The following TNRC6B variants were observed in gnomAD, a reference collection of about 807,000 sequenced individuals.
TNRC6B encodes the protein trinucleotide repeat containing adaptor 6B.
Under a neutral mutation model 203.6 loss-of-function variants are expected in TNRC6B, and 52 were observed. The observed-to-expected ratio is 0.26, with a 90% CI of 0.20 to 0.32. TNRC6B has a LOEUF of 0.32. Among genes scored for constraint, TNRC6B ranks in the 10% least tolerant of loss-of-function variants. The pLI is 1.00. For synonymous variants in TNRC6B, 838 were observed against 845.7 expected (o/e 0.99, Z 0.16); for missense variants, 1,923 against 2,286.2 (o/e 0.84, Z 3.24).
intron 4 of TNRC6B, among the ~76,000 whole-genome samples, chr22:40,160,849 C>T (rs1003191555): frequency 2.6e-5 from 4 of 152,172 alleles, no homozygotes; most frequent in Admixed American, 2.6e-4. Flanking sequence ...GGATTACAGG[C>T]ATGCACTATC....
intron 3 of TNRC6B, among the ~76,000 whole-genome samples, chr22:40,260,477 G>T (rs192651099): frequency 5.9e-5 from 9 of 152,310 alleles, no homozygotes; most frequent in Admixed American, 4.6e-4. Flanking sequence ...AGAGAGATGG[G>T]ACTTGTAGAT....
chr22:40,323,193 T>A lies in TNRC6B; in HGVS notation c.5454T>A (p.Ala1818=). ...VEDPHRMGSP[A]PLLPGDLLGG... is the part of the protein sequence containing the mutation. The stretch of plus-strand genomic sequence containing the variant: ...ATCCCCATAGGATGGGCAGCCCTGC[T>A]CCTTTACTACCTGGTGACCTTCTGG... The change falls in exon 23 of 23, where the codon GCT becomes GCA. Residue 1818 remains alanine (A), a synonymous_variant. Coordinates refer to ENST00000454349, the MANE Select transcript of TNRC6B (RefSeq NM_001162501.2). 1 of 1,613,604 alleles carries A rather than the reference T, an allele frequency of 6.2e-7. No homozygotes were observed. Among genetic ancestry groups the A allele is most frequent in the Admixed American group, 1.7e-5 (1 of 60,016 alleles).
At chr22:40,280,204 C>T in intron 10 of TNRC6B, 61 bp downstream of exon 10, 1 of 1,494,442 alleles carries the variant, frequency 6.7e-7, no homozygotes, top group Non-Finnish European at 9.2e-7. Flanking sequence ...TCCCATTTGT[C>T]TTTTGATAAC....
At chr22:40,058,112 C>A (rs1301598086) in intron 1 of TNRC6B, among the ~76,000 whole-genome samples, 1 of 152,130 alleles carries the variant, frequency 6.6e-6, no homozygotes, top group African/African-American at 2.4e-5. Flanking sequence ...TTACTGATTC[C>A]AGCTTAAACC....
intron 15 of TNRC6B, among the ~76,000 whole-genome samples, chr22:40,305,927 C>T (rs1235132756): frequency 6.6e-6 from 1 of 151,116 alleles, no homozygotes; most frequent in Non-Finnish European, 1.5e-5. Flanking sequence ...TTTCTTTGCC[C>T]TTTTGCTATA....
At chr22:40,093,697 G>A (rs2068166170) in intron 1 of TNRC6B, among the ~76,000 whole-genome samples, 1 of 152,220 alleles carries the variant, frequency 6.6e-6, no homozygotes, top group Admixed American at 6.5e-5. Flanking sequence ...AAGTAGAAGA[G>A]TATTTTTGAG....
intron 3 of TNRC6B, among the ~76,000 whole-genome samples, chr22:40,144,859 G>A (rs2068677305): frequency 1.3e-5 from 2 of 151,868 alleles, no homozygotes; most frequent in African/African-American, 4.8e-5. Context: ...CAAGGGAAGG[G>A]GCATGTAGAA....
At chr22:40,260,252 T>C (rs376805626) in intron 3 of TNRC6B, among the ~76,000 whole-genome samples, 24 of 152,260 alleles carry the variant, frequency 1.6e-4, no homozygotes, top group East Asian at 7.7e-4. Flanking sequence ...TTTCTAGTAT[T>C]TACACAGAGA....
chr22:40,174,894 A>G (rs181090824), upstream of TNRC6B, among the ~76,000 whole-genome samples: 111 of 152,262 alleles, frequency 7.3e-4, no homozygotes, highest in African/African-American at 2.5e-3. Flanking sequence ...AATATTGTCT[A>G]ATTGTTAATA....
Position 40,266,550 on chromosome 22 carries a change from G to A in TNRC6B, c.2320G>A (p.Glu774Lys). 1 of 1,613,806 alleles carries A rather than the reference G, an allele frequency of 6.2e-7. No homozygotes were observed. The highest frequency in any genetic ancestry group is 1.1e-5 in the South Asian group (1 of 91,056). Residue 774 changes from glutamate to lysine, a missense_variant, in exon 5 of 23, where the codon GAA (glutamate) becomes AAA (lysine). By Grantham distance (56) the Glu-to-Lys change is moderately conservative (BLOSUM62 1). This residue lies in a region of TNRC6B where 599 missense variants were observed against 656.5 expected (regional missense o/e 0.91). Transcript: ENST00000454349. ...AAGTAAACCTGTGTCTGGGTGGGGT[G>A]AAGGAGGGCAGAATGAAATCGGGAC... ...SASKPVSGWGEGGQNEIGTWG... is the reference protein window; with the variant it reads ...SASKPVSGWGKGGQNEIGTWG...
At chr22:40,213,204 G>A (rs761894215) in intron 1 of TNRC6B, among the ~76,000 whole-genome samples, 5 of 152,138 alleles carry the variant, frequency 3.3e-5, no homozygotes, top group African/African-American at 4.8e-5. Context: ...CCACTGAACT[G>A]TACAGTTAAA....
intron 1 of TNRC6B, among the ~76,000 whole-genome samples, chr22:40,091,126 C>T (rs886603750): frequency 7.9e-5 from 12 of 152,162 alleles, no homozygotes; most frequent in Admixed American, 5.2e-4. Flanking sequence ...GGACTACAGG[C>T]GCCCGCCACC....
intron 1 of TNRC6B, among the ~76,000 whole-genome samples, chr22:40,227,358 CTT>C (rs71199278): frequency 1.5e-4 from 11 of 70,996 alleles, no homozygotes; most frequent in East Asian, 1.1e-3. Context: ...CTGAAATTAC[CTT>C]TTTTTTTTTT....
Position 40,232,652 on chromosome 22 carries a change from G to T in TNRC6B, c.6-13363G>T, listed in dbSNP as rs768847443. Among the ~76,000 whole-genome samples the T allele has an allele frequency of 7.4e-4, 112 of 152,210 alleles. 1 individual carries two copies. Among genetic ancestry groups the T allele is most frequent in the Admixed American group, 2.5e-3 (39 of 15,296 alleles). On this transcript the variant is annotated intron_variant, in intron 1 of 22. Coordinates refer to ENST00000454349, the MANE Select transcript of TNRC6B (RefSeq NM_001162501.2). ...TTCTAACCCTGAAATTTTTTGCGGG[G>T]AAAAAGCTTTCAAATTGTTGGTTAT...
At chr22:40,138,840 C>T (rs1257372334) in intron 3 of TNRC6B, among the ~76,000 whole-genome samples, 1 of 152,032 alleles carries the variant, frequency 6.6e-6, no homozygotes, top group Non-Finnish European at 1.5e-5. Flanking sequence ...AAACCCCAAA[C>T]AGCAATTCAA....
At chr22:40,159,144 T>C (rs1392620353) in intron 4 of TNRC6B, among the ~76,000 whole-genome samples, 1 of 151,416 alleles carries the variant, frequency 6.6e-6, no homozygotes, top group Non-Finnish European at 1.5e-5. Context: ...TCTGTATTTT[T>C]AGTAGAGATG....
At chr22:40,111,882 C>A (rs2068338384) in intron 1 of TNRC6B, among the ~76,000 whole-genome samples, 1 of 152,172 alleles carries the variant, frequency 6.6e-6, no homozygotes, top group African/African-American at 2.4e-5. Flanking sequence ...GCGGGTGGAT[C>A]ACGAGGTCAG....
At chr22:40,067,283 C>T (rs1347484245) in intron 1 of TNRC6B, among the ~76,000 whole-genome samples, 1 of 152,054 alleles carries the variant, frequency 6.6e-6, no homozygotes, top group East Asian at 1.9e-4. Flanking sequence ...AAAAGCTATT[C>T]ATATACGATG....
intron 11 of TNRC6B, among the ~76,000 whole-genome samples, chr22:40,283,900 C>G (rs1404970709): frequency 6.6e-6 from 1 of 152,214 alleles, no homozygotes; most frequent in Non-Finnish European, 1.5e-5. Flanking sequence ...CTGGCAGGAA[C>G]TTTAGTTACC....
Sources: allele counts gnomAD v4.1 joint callset (sites outside exome capture counted in the v4.1 genomes callset), GRCh38; gene constraint gnomAD v4.1.1; regional missense constraint gnomAD v4.1.1; transcripts MANE v1.5; gene names NCBI Gene and HGNC (gene_info 2026-07-23, HGNC 2026-07-21).